The following ACSM1 variants were observed in gnomAD, a reference collection of about 807,000 sequenced individuals.
ACSM1 encodes acyl-coenzyme A synthetase ACSM1, mitochondrial.
In ACSM1, 79 loss-of-function variants were observed where a neutral mutation model predicts 75.8. The ratio of observed to expected loss-of-function variants is 1.04; its 90% CI spans 0.87 to 1.26. The LOEUF (loss-of-function observed/expected upper bound fraction) is 1.26, where lower values mean the gene tolerates loss of function less well. ACSM1 is among the 50% of genes most tolerant of loss of function. ACSM1 has a pLI of 0.00. For missense variants in ACSM1, 676 were observed against 720.1 expected (o/e 0.94, Z 0.70); for synonymous variants, 279 against 265.8 (o/e 1.05, Z -0.48).
intron 7 of ACSM1, among the ~76,000 whole-genome samples, chr16:20,649,832 T>C (rs1291504222): frequency 1.3e-5 from 2 of 152,204 alleles, no homozygotes; most frequent in Non-Finnish European, 1.5e-5. Flanking sequence ...CCTGACCACC[T>C]TGGGCGTATG....
chr16:20,646,103 T>C (rs1303323688), intron 7 of ACSM1, among the ~76,000 whole-genome samples: 2 of 151,768 alleles, frequency 1.3e-5, no homozygotes, highest in East Asian at 1.9e-4. Flanking sequence ...GCAGGTGGAA[T>C]GGAACAAACA....
chr16:20,627,661 T>C (rs1354849841), intron 10 of ACSM1, among the ~76,000 whole-genome samples: 3 of 151,772 alleles, frequency 2.0e-5, no homozygotes, highest in Non-Finnish European at 2.9e-5. Flanking sequence ...AAACCCCATC[T>C]CTACTAAAAA....
chr16:20,697,334 T>A (rs114374895), intron 1 of ACSM1, among the ~76,000 whole-genome samples: 6 of 152,280 alleles, frequency 3.9e-5, no homozygotes, highest in African/African-American at 1.4e-4. Flanking sequence ...ACTTTGTGCC[T>A]GTCTCCCACG....
At chr16:20,660,568 G>A (rs1322825202) in intron 7 of ACSM1, among the ~76,000 whole-genome samples, 1 of 152,194 alleles carries the variant, frequency 6.6e-6, no homozygotes, top group Admixed American at 6.5e-5. Flanking sequence ...AGGCCATCAT[G>A]TGAGGAATGT....
At chr16:20,661,288 A>G (rs2019284912) in intron 7 of ACSM1, among the ~76,000 whole-genome samples, 1 of 152,202 alleles carries the variant, frequency 6.6e-6, no homozygotes, top group Non-Finnish European at 1.5e-5. Context: ...TTATTATATA[A>G]TAATGTAGCA....
intron 5 of ACSM1, among the ~76,000 whole-genome samples, chr16:20,670,849 C>G (rs913206474): frequency 6.6e-6 from 1 of 152,154 alleles, no homozygotes; most frequent in Admixed American, 6.6e-5. Context: ...TGCCCCTCTT[C>G]GGGTTAATAC....
chr16:20,664,507 G>A (rs163270), intron 6 of ACSM1, among the ~76,000 whole-genome samples: 50,974 of 151,966 alleles, frequency 0.34, 9,380 homozygotes, highest in East Asian at 0.64. Context: ...GATTTATAAG[G>A]TGAGTTCTTC....
intron 6 of ACSM1, 61 bp from the exon 7 acceptor site, chr16:20,661,934 T>C: frequency 8.7e-7 from 1 of 1,142,892 alleles, no homozygotes; most frequent in East Asian, 2.4e-5. Context: ...AACAGCCAAT[T>C]ATTAGCAGTC....
At chr16:20,686,971 T>C (rs2079564498) in intron 2 of ACSM1, among the ~76,000 whole-genome samples, 1 of 143,896 alleles carries the variant, frequency 6.9e-6, no homozygotes, top group Non-Finnish European at 1.5e-5. Context: ...TGGTAGAAAA[T>C]TTTGTGATTT....
At chr16:20,676,979 C>A (rs1181490555) in intron 4 of ACSM1, among the ~76,000 whole-genome samples, 2 of 152,088 alleles carry the variant, frequency 1.3e-5, no homozygotes, top group African/African-American at 2.4e-5. Flanking sequence ...CAAATCTGCT[C>A]TAAAAGTCTC....
At chr16:20,640,992 C>A (rs1336096681) in intron 7 of ACSM1, among the ~76,000 whole-genome samples, 1 of 152,078 alleles carries the variant, frequency 6.6e-6, no homozygotes, top group African/African-American at 2.4e-5. Context: ...ACTATACATT[C>A]TTTTATGGAG....
chr16:20,636,750 T>C lies in ACSM1; in HGVS notation c.1288A>G (p.Met430Val). The change falls in exon 10 of 14, where the codon ATG becomes GTG. Residue 430 changes from methionine to valine, a missense_variant. Coordinates refer to ENST00000520010, the MANE Select transcript of ACSM1 (RefSeq NM_001318890.3). The stretch of plus-strand genomic sequence containing the variant: ...TGGGGGGTCATTACCTCATAGCACA[T>C]GAAGAGGCTCACAGGCCTGACAGGT... ...IKPVRPVSLF[M>V]CYEGDPEKTA... 1 of 1,613,900 alleles carries C rather than the reference T, an allele frequency of 6.2e-7. No individual in the cohort carries two copies. Among genetic ancestry groups the C allele is most frequent in the African/African-American group, 1.3e-5 (1 of 75,036 alleles).
chr16:20,690,881 A>G lies in ACSM1; in HGVS notation c.192+116T>C, dbSNP rs566157828. On this transcript the variant is annotated intron_variant, in intron 2 of 13. Coordinates refer to ENST00000520010, the MANE Select transcript of ACSM1 (RefSeq NM_001318890.3). ...TTGAAATATAAGCTTCTTCCACAAC[A>G]CTGATAAGTTGAGGCAGAAGTAACT... The G allele has an allele frequency of 1.2e-4, 118 of 968,740 alleles. No individual in the cohort carries two copies. In the South Asian group the frequency reaches 1.3e-3, roughly 11 times the overall value. The allele number at this position is 968,740 out of a possible 1,614,324, so 60.0% of individuals were successfully genotyped here.
intron 7 of ACSM1, among the ~76,000 whole-genome samples, chr16:20,657,204 A>G (rs1364462395): frequency 6.6e-6 from 1 of 152,226 alleles, no homozygotes; most frequent in Non-Finnish European, 1.5e-5. Flanking sequence ...CTAAGCTTAC[A>G]GTAACTCAAC....
chr16:20,653,163 T>C (rs1219684503), intron 7 of ACSM1, among the ~76,000 whole-genome samples: 6 of 152,184 alleles, frequency 3.9e-5, no homozygotes, highest in Non-Finnish European at 8.8e-5. Flanking sequence ...CACATGATTA[T>C]CTCAATAGAT....
At position 20,627,277 on chromosome 16, in the gene ACSM1, A is replaced by T. The variant is rs1166735369; in HGVS notation, c.1339T>A (p.Phe447Ile). The T allele has an allele frequency of 6.3e-7, 1 of 1,586,056 alleles. No individual in the cohort carries two copies. Among genetic ancestry groups the T allele is most frequent in the Non-Finnish European group, 8.6e-7 (1 of 1,168,362 alleles). Residue 447 changes from phenylalanine (F) to isoleucine (I), a missense_variant, in exon 11 of 14, where the codon TTC becomes ATC. Phe to Ile is a conservative substitution (Grantham distance 21, BLOSUM62 0). Coordinates refer to ENST00000520010, the MANE Select transcript of ACSM1 (RefSeq NM_001318890.3). ...EKTAKVECGD[F>I]YNTGDRGKMD... Reference sequence around the variant, plus strand: ...TTACCTCTGTCCCCAGTGTTGTAGAAGTCCCCACATTCCACTTTAGCTGTC... The same window carrying T: ...TTACCTCTGTCCCCAGTGTTGTAGATGTCCCCACATTCCACTTTAGCTGTC...
chr16:20,669,219 A>G (rs2019740583), intron 6 of ACSM1, among the ~76,000 whole-genome samples: 1 of 152,096 alleles, frequency 6.6e-6, no homozygotes, highest in African/African-American at 2.4e-5. Flanking sequence ...TCTATGTGCT[A>G]ATGTCAGGGT....
intron 4 of ACSM1, chr16:20,681,894 A>C (rs577324591): frequency 5.8e-6 from 1 of 172,854 alleles, no homozygotes; most frequent in African/African-American, 2.4e-5. Flanking sequence ...AGGCATTGTG[A>C]AGACCCTGTT....
chr16:20,686,519 A>G (rs2079556760), intron 2 of ACSM1, among the ~76,000 whole-genome samples: 1 of 152,246 alleles, frequency 6.6e-6, no homozygotes, highest in Admixed American at 6.5e-5. Flanking sequence ...TAGCTAATGC[A>G]TGCGGGGTTT....
Sources: gnomAD v4.1 joint callset for allele counts (sites outside exome capture counted in the v4.1 genomes callset) on GRCh38, gnomAD v4.1.1 for gene constraint, MANE v1.5 for transcripts, NCBI Gene and HGNC (gene_info 2026-07-23, HGNC 2026-07-21) for gene names.